The following TECPR2 variants were observed in gnomAD, a reference collection of about 807,000 sequenced individuals.
TECPR2 encodes the protein tectonin beta-propeller repeat containing 2, also known as tectonin beta-propeller repeat-containing protein 2.
A neutral mutation model predicts 138.1 loss-of-function variants in TECPR2; 65 were observed. That is an observed-to-expected ratio of 0.47 (90% CI 0.39 to 0.58). The LOEUF (loss-of-function observed/expected upper bound fraction) is 0.58. Ranked by LOEUF, TECPR2 falls within the 20% of genes least tolerant of loss-of-function variation. TECPR2 has a pLI of 0.00. For missense variants in TECPR2, 1,553 were observed against 1,824.5 expected, an observed-to-expected ratio of 0.85 and a Z score of 2.71; for synonymous variants, 746 against 749.8, an observed-to-expected ratio of 0.99 and a Z score of 0.08.
At chr14:102,380,008 A>C (rs1050083271) in intron 2 of TECPR2, among the ~76,000 whole-genome samples, 4 of 149,754 alleles carry the variant, frequency 2.7e-5, no homozygotes, top group Admixed American at 6.7e-5. Flanking sequence ...GCTGAAGATC[A>C]CCATCTTAAA....
Position 102,442,039 on chromosome 14 carries a change from C to T in TECPR2, c.2752+1430C>T, listed in dbSNP as rs1889849795. On this transcript the variant is annotated intron_variant, in intron 11 of 19. Coordinates refer to ENST00000359520, the MANE Select transcript of TECPR2 (RefSeq NM_014844.5). ...TGTTGCCCAGGCTGGAGTGTAGTGG[C>T]ACAATCTCGGCTCACTGCAACCTCC... Among the ~76,000 whole-genome samples the T allele has an allele frequency of 2.6e-5, 4 of 152,106 alleles. No individual in the cohort carries two copies. The South Asian group carries it at 6.2e-4, about 24-fold the overall frequency.
chr14:102,433,507 T>G (rs1889568162), intron 8 of TECPR2, among the ~76,000 whole-genome samples: 1 of 149,006 alleles, frequency 6.7e-6, no homozygotes, highest in African/African-American at 2.5e-5. Flanking sequence ...TATTTATTTA[T>G]TTATTTATTT....
At chr14:102,486,684 C>G (rs1891033985) in intron 17 of TECPR2, among the ~76,000 whole-genome samples, 1 of 152,164 alleles carries the variant, frequency 6.6e-6, no homozygotes. Flanking sequence ...GCAGCCATAC[C>G]CACCTCGTAC....
At chr14:102,426,603 A>G (rs947730502) in intron 6 of TECPR2, among the ~76,000 whole-genome samples, 2 of 152,172 alleles carry the variant, frequency 1.3e-5, no homozygotes, top group Admixed American at 6.6e-5. Context: ...TAATCCCAGC[A>G]CTTTGGGCAC....
chr14:102,496,804 G>A (rs1301924935), intron 17 of TECPR2, 175 bp from the exon 18 acceptor site: 1 of 914,918 alleles, frequency 1.1e-6, no homozygotes, highest in African/African-American at 1.7e-5. Flanking sequence ...GGAGACAAGT[G>A]ACCATCTCCC....
chr14:102,414,417 T>C (rs1181642450), intron 4 of TECPR2, among the ~76,000 whole-genome samples: 1 of 152,252 alleles, frequency 6.6e-6, no homozygotes, highest in African/African-American at 2.4e-5. Context: ...TCAAACTGGA[T>C]GCAGCATGAG....
chr14:102,385,942 A>G (rs1887987257), intron 2 of TECPR2, among the ~76,000 whole-genome samples: 2 of 152,098 alleles, frequency 1.3e-5, no homozygotes, highest in Non-Finnish European at 2.9e-5. Flanking sequence ...CCTCAAAAAA[A>G]AAAAAAATTT....
chr14:102,483,254 G>GATCT (rs1167969681), intron 17 of TECPR2, among the ~76,000 whole-genome samples: 1 of 152,078 alleles, frequency 6.6e-6, no homozygotes, highest in East Asian at 1.9e-4. Context: ...GATACATAGT[G>GATCT]GTATGCCTTG....
intron 10 of TECPR2, among the ~76,000 whole-genome samples, chr14:102,439,612 G>T (rs1223901611): frequency 6.6e-6 from 1 of 152,116 alleles, no homozygotes; most frequent in Non-Finnish European, 1.5e-5. Flanking sequence ...CAGGCCCCTT[G>T]GTCCCTCACT....
At chr14:102,422,515 CAAG>C (rs1360185393) in intron 5 of TECPR2, among the ~76,000 whole-genome samples, 3 of 152,064 alleles carry the variant, frequency 2.0e-5, no homozygotes, top group African/African-American at 7.3e-5. Context: ...TTCTTTTTAT[CAAG>C]AAGGATAAAT....
chr14:102,402,263 A>C (rs781182807), intron 2 of TECPR2, among the ~76,000 whole-genome samples: 1 of 152,182 alleles, frequency 6.6e-6, no homozygotes, highest in Non-Finnish European at 1.5e-5. Context: ...AGAATCCACA[A>C]ATTTGTGCAA....
Position 102,373,742 on chromosome 14 carries a change from G to A in TECPR2, c.-72-2908G>A, listed in dbSNP as rs780672312. Reference sequence around the variant, plus strand: ...CTTACCTTTAAGAAAGTTCTCATACGTGGATATGTTCTGCCTGTATTGGCT... The same window carrying A: ...CTTACCTTTAAGAAAGTTCTCATACATGGATATGTTCTGCCTGTATTGGCT... On this transcript the variant is annotated intron_variant, in intron 1 of 19. Coordinates refer to ENST00000359520, the MANE Select transcript of TECPR2 (RefSeq NM_014844.5). Among the ~76,000 whole-genome samples the A allele has an allele frequency of 2.0e-5, 3 of 151,970 alleles. 1 individual carries two copies. The highest frequency in any genetic ancestry group is 4.2e-4 in the South Asian group (2 of 4,808).
chr14:102,412,797 A>G (rs375034845), intron 4 of TECPR2, among the ~76,000 whole-genome samples: 1 of 152,292 alleles, frequency 6.6e-6, no homozygotes, highest in East Asian at 1.9e-4. Flanking sequence ...GGAGAATACA[A>G]AAGTACCTAT....
Position 102,496,150 on chromosome 14 carries a change from C to T in TECPR2, c.3790-829C>T, listed in dbSNP as rs540052707. 5.9e-5 allele frequency among the ~76,000 whole-genome samples: 9 copies of T among 152,322 alleles called. No individual in the cohort carries two copies. The East Asian group carries it at 1.7e-3, about 29-fold the overall frequency. Reference sequence around the variant, plus strand: ...GGAGGCCGACCAGGAGGGCAGGGACCCAAGACCACAGATGTAGCAGGGAAG... The same window carrying T: ...GGAGGCCGACCAGGAGGGCAGGGACTCAAGACCACAGATGTAGCAGGGAAG... On this transcript the variant is annotated intron_variant, in intron 17 of 19. Coordinates refer to ENST00000359520, the MANE Select transcript of TECPR2 (RefSeq NM_014844.5).
rs748097955 is a variant in TECPR2 at position 102,497,645 on chromosome 14, G to A, written c.4007G>A (p.Arg1336Gln). 9.3e-6 allele frequency: 15 copies of A among 1,609,158 alleles called. No individual in the cohort carries two copies. The highest frequency in any genetic ancestry group is 1.3e-5 in the Non-Finnish European group (15 of 1,178,446). ...ARCPNGDLAR[R>Q]YGVTDKNPAG... is the part of the protein sequence containing the mutation. ...TGTCCAAACGGAGACCTCGCCCGGC[G>A]GTACGGCGTCACAGACAAGAACCCC... The change falls in exon 19 of 20, where the codon CGG becomes CAG. Residue 1336 changes from arginine to glutamine, a missense_variant. By Grantham distance (43) the Arg-to-Gln change is conservative. Transcript: ENST00000359520.
chr14:102,427,415 C>T (rs1889352356), intron 6 of TECPR2, among the ~76,000 whole-genome samples: 1 of 152,170 alleles, frequency 6.6e-6, no homozygotes, highest in Non-Finnish European at 1.5e-5. Context: ...AGAGACTGGA[C>T]CACCCAGTGG....
At chr14:102,461,792 G>A (rs1890417658) in intron 16 of TECPR2, among the ~76,000 whole-genome samples, 2 of 152,182 alleles carry the variant, frequency 1.3e-5, no homozygotes, top group African/African-American at 2.4e-5. Context: ...AGTACTGGTC[G>A]TGGGTCCTGC....
chr14:102,484,357 A>G (rs1225837587), intron 17 of TECPR2, among the ~76,000 whole-genome samples: 1 of 152,062 alleles, frequency 6.6e-6, no homozygotes, highest in Non-Finnish European at 1.5e-5. Context: ...TGGTCTTTGT[A>G]TGTCCCAAGT....
rs1181449851 is a variant in TECPR2 at position 102,362,975 on chromosome 14, C to T, written c.-214C>T. 11 of 1,309,660 alleles carry T rather than the reference C, an allele frequency of 8.4e-6. No homozygotes were observed. The highest frequency in any genetic ancestry group is 1.5e-5 in the African/African-American group (1 of 68,484). 81.1% of individuals were successfully genotyped at this position (1,309,660 alleles called of 1,614,324 possible). On this transcript the variant is annotated 5_prime_UTR_variant, in exon 1 of 20. Transcript: ENST00000359520. ...TCTGCCGCTCTAGCCCCCGGCGGAG[C>T]CAGCTGCTGCTCTTCGGTGCTGGCC...
Sources: gnomAD v4.1 joint callset for allele counts (sites outside exome capture counted in the v4.1 genomes callset) on GRCh38, gnomAD v4.1.1 for gene constraint, MANE v1.5 for transcripts, NCBI Gene and HGNC (gene_info 2026-07-23, HGNC 2026-07-21) for gene names.